Variants in CFAP61 observed in about 807,000 individuals in gnomAD.
The protein encoded by CFAP61 is cilia and flagella associated protein 61.
CFAP61 carries 107 observed loss-of-function variants against 135.6 expected under a neutral mutation model. That is an observed-to-expected ratio of 0.79 (90% CI 0.67 to 0.93). CFAP61 has a LOEUF of 0.93. CFAP61 is among the 40% of genes least tolerant of loss of function. The pLI, the probability that CFAP61 is intolerant of heterozygous loss-of-function variation, is 0.00. For missense variants in CFAP61, 1,507 were observed against 1,556.2 expected (o/e 0.97, Z 0.53); for synonymous variants, 575 against 578.5 (o/e 0.99, Z 0.09).
chr20:20,294,595 A>G (rs2055254648), intron 24 of CFAP61, among the ~76,000 whole-genome samples: 1 of 152,160 alleles, frequency 6.6e-6, no homozygotes, highest in Non-Finnish European at 1.5e-5. Flanking sequence ...AAACTTACAG[A>G]GGAGGCCAAA....
chr20:20,193,863 C>G (rs977717199), intron 15 of CFAP61, among the ~76,000 whole-genome samples: 1 of 152,170 alleles, frequency 6.6e-6, no homozygotes, highest in African/African-American at 2.4e-5. Flanking sequence ...ATCTGCCCCC[C>G]TCAACCTCCC....
At chr20:20,134,126 G>A (rs376394902) in intron 8 of CFAP61, among the ~76,000 whole-genome samples, 1 of 152,312 alleles carries the variant, frequency 6.6e-6, no homozygotes, top group African/African-American at 2.4e-5. Flanking sequence ...AAGGATAAAA[G>A]AGTGTGGTGG....
chr20:20,311,615 G>A (rs917332435), intron 25 of CFAP61, among the ~76,000 whole-genome samples: 2 of 151,912 alleles, frequency 1.3e-5, no homozygotes, highest in Non-Finnish European at 2.9e-5. Context: ...TCAGGACAGA[G>A]GGAGAGGGAG....
At chr20:20,326,480 TGAC>T (rs1430792548) in intron 25 of CFAP61, among the ~76,000 whole-genome samples, 5 of 152,330 alleles carry the variant, frequency 3.3e-5, no homozygotes, top group African/African-American at 1.2e-4. Context: ...TGTTTTACAT[TGAC>T]ATCTTTAATT....
At chr20:20,250,463 C>A (rs2050797796) in intron 19 of CFAP61, among the ~76,000 whole-genome samples, 1 of 152,122 alleles carries the variant, frequency 6.6e-6, no homozygotes, top group South Asian at 2.1e-4. Flanking sequence ...GAGGACTGTG[C>A]TGCCAAGCAT....
intron 25 of CFAP61, among the ~76,000 whole-genome samples, chr20:20,311,082 G>A (rs1276029870): frequency 2.6e-5 from 4 of 152,168 alleles, no homozygotes; most frequent in Non-Finnish European, 5.9e-5. Flanking sequence ...GTGATATTTT[G>A]GCTAAATCAT....
chr20:20,082,442 A>G (rs890862967), intron 6 of CFAP61, among the ~76,000 whole-genome samples: 7 of 152,194 alleles, frequency 4.6e-5, no homozygotes, highest in African/African-American at 1.7e-4. Context: ...TTTTCATACT[A>G]TCTGAAATAA....
chr20:20,301,342 G>A (rs1319785640), intron 25 of CFAP61, among the ~76,000 whole-genome samples: 1 of 152,174 alleles, frequency 6.6e-6, no homozygotes, highest in Non-Finnish European at 1.5e-5. Flanking sequence ...GAGCAACAGG[G>A]GCATATAGGC....
chr20:20,207,738 C>T (rs2030091047), intron 17 of CFAP61, among the ~76,000 whole-genome samples: 3 of 152,186 alleles, frequency 2.0e-5, no homozygotes, highest in Admixed American at 6.5e-5. Flanking sequence ...ATTACAAAAG[C>T]AATCTATGTT....
chr20:20,153,590 G>T (rs2052633528), intron 9 of CFAP61, among the ~76,000 whole-genome samples: 1 of 151,766 alleles, frequency 6.6e-6, no homozygotes, highest in Non-Finnish European at 1.5e-5. Flanking sequence ...ACACCTTTAG[G>T]TGCACAAACT....
intron 12 of CFAP61, among the ~76,000 whole-genome samples, chr20:20,168,101 A>G (rs1312789047): frequency 1.3e-5 from 2 of 152,126 alleles, no homozygotes; most frequent in African/African-American, 4.8e-5. Context: ...TTTTTTAAAG[A>G]GATAGGGTCT....
At chr20:20,258,714 C>G (rs1319548291) in intron 20 of CFAP61, among the ~76,000 whole-genome samples, 1 of 152,118 alleles carries the variant, frequency 6.6e-6, no homozygotes, top group Non-Finnish European at 1.5e-5. Flanking sequence ...ACGGTCAACC[C>G]TAGGAGACAG....
rs74173347 is a variant in CFAP61, at chr20:20,072,366, C to T, written c.294+1362C>T. 5.5e-3 allele frequency among the ~76,000 whole-genome samples: 829 copies of T among 152,030 alleles called. 2 individuals are homozygous for T. Among genetic ancestry groups the T allele is most frequent in the Middle Eastern group, 0.014 (4 of 294 alleles). On this transcript the variant is annotated intron_variant, in intron 3 of 26. Transcript: ENST00000245957. ...TCCTGACCTCGTGATCCACCTGCCT[C>T]GGCCTCCCAAAGTGCTGGGATTACA...
intron 17 of CFAP61, among the ~76,000 whole-genome samples, chr20:20,223,570 G>A (rs2424294): frequency 0.36 from 54,476 of 151,974 alleles, 10,094 homozygotes; most frequent in East Asian, 0.56. Flanking sequence ...TATTGTTTTA[G>A]TAACTCCCGA....
At chr20:20,200,678 T>C (rs1347354339) in intron 17 of CFAP61, 9 of 984,104 alleles carry the variant, frequency 9.1e-6, no homozygotes, top group East Asian at 2.3e-4. Flanking sequence ...TTGTCCTTTG[T>C]GAGACAGGAA....
At chr20:20,159,116 A>G (rs6046673) in intron 9 of CFAP61, among the ~76,000 whole-genome samples, 137,299 of 152,248 alleles carry the variant, frequency 0.9, 62,727 homozygotes, top group Middle Eastern at 0.99. Context: ...ATCAGGAGGC[A>G]CCTGCACTAT....
chr20:20,302,504 A>C (rs995007977), intron 25 of CFAP61, among the ~76,000 whole-genome samples: 12 of 152,200 alleles, frequency 7.9e-5, no homozygotes, highest in African/African-American at 2.2e-4. Context: ...TCTACTAAAA[A>C]TACGAAAATT....
At chr20:20,132,964 A>C (rs1221930407) in intron 8 of CFAP61, among the ~76,000 whole-genome samples, 1 of 152,004 alleles carries the variant, frequency 6.6e-6, no homozygotes, top group African/African-American at 2.4e-5. Flanking sequence ...TTGTCTTTTA[A>C]TTAGAGTATT....
chr20:20,059,878 A>G (rs1283035178), intron 2 of CFAP61, among the ~76,000 whole-genome samples: 15 of 152,148 alleles, frequency 9.9e-5, no homozygotes, highest in Admixed American at 9.8e-4. Flanking sequence ...TTAGAAGAAG[A>G]TAATAGGAAG....
Sources: allele counts gnomAD v4.1 joint callset (sites outside exome capture counted in the v4.1 genomes callset), GRCh38; gene constraint gnomAD v4.1.1; transcripts MANE v1.5; gene names NCBI Gene and HGNC (gene_info 2026-07-23, HGNC 2026-07-21).